The following NOTCH4 variants were observed in gnomAD, a reference collection of about 807,000 sequenced individuals.
NOTCH4 encodes notch receptor 4, also known as neurogenic locus notch homolog protein 4.
Under a neutral mutation model 189.0 loss-of-function variants are expected in NOTCH4, and 138 were observed. The observed-to-expected ratio is 0.73, with a 90% CI of 0.64 to 0.84. NOTCH4 has a LOEUF of 0.84. NOTCH4 is among the 40% of genes least tolerant of loss of function. The pLI is 0.00. For synonymous variants in NOTCH4, 942 were observed against 1,032.8 expected (o/e 0.91, Z 1.69); for missense variants, 2,286 against 2,605.4 (o/e 0.88, Z 2.67).
chr6:32,195,700 A>T lies in NOTCH4; in HGVS notation c.5749T>A (p.Ser1917Thr). Residue 1917 changes from serine (S) to threonine (T), a missense_variant, in exon 30 of 30, where the codon TCT becomes ACT. Coordinates refer to ENST00000375023, the MANE Select transcript of NOTCH4 (RefSeq NM_004557.4). The surrounding 1 kb of genome is among the most constrained non-coding windows in gnomAD (Gnocchi z 5.4). ...GGCCGAGGCCCGCGCATGCCTGCAG[A>T]AAACCTACGGCCGCGAGGGGTCGGG... ...GGPTPRGRRF[S>T]AGMRGPRPNP... is the part of the protein sequence containing the mutation. 1 of 1,612,974 alleles carries T rather than the reference A, an allele frequency of 6.2e-7. No individual in the cohort carries two copies. Among genetic ancestry groups the T allele is most frequent in the Non-Finnish European group, 8.5e-7 (1 of 1,179,986 alleles).
At chr6:32,223,772 TG>T in intron 1 of NOTCH4, 83 bp downstream of exon 1, 1 of 1,379,488 alleles carries the variant, frequency 7.2e-7, no homozygotes, top group Non-Finnish European at 1.0e-6. Flanking sequence ...TCACACGGCC[TG>T]GGGCTTGGCC....
chr6:32,203,699 G>T, intron 20 of NOTCH4, 71 bp downstream of exon 20: 1 of 1,140,230 alleles, frequency 8.8e-7, no homozygotes, highest in Non-Finnish European at 1.3e-6. Context: ...TCCCTTCTGG[G>T]ATTCCAACTG....
intron 28 of NOTCH4, 140 bp downstream of exon 28, chr6:32,196,785 C>T: frequency 4.4e-6 from 5 of 1,143,180 alleles, no homozygotes; most frequent in Non-Finnish European, 5.1e-6. Flanking sequence ...GCGGCCCGTA[C>T]TTCCACCGCA....
At position 32,204,375 on chromosome 6, in the gene NOTCH4, G is replaced by A. The variant is rs760216132; in HGVS notation, c.2880C>T (p.Tyr960=). ...SGYLCQCAPG[Y]DGQNCSKELD... ...GTTCCTTTGAGCAGTTCTGTCCATC[G>A]TAGCCTGGGGCACACTGCAGACAAA... Residue 960 remains tyrosine (Y), a synonymous_variant, in exon 19 of 30, where the codon TAC becomes TAT. Coordinates refer to ENST00000375023, the MANE Select transcript of NOTCH4 (RefSeq NM_004557.4). The A allele has an allele frequency of 6.2e-6, 10 of 1,612,882 alleles. No homozygotes were observed. The highest frequency in any genetic ancestry group is 2.2e-5 in the South Asian group (2 of 91,084).
chr6:32,206,906 G>A (rs192304333), intron 18 of NOTCH4, among the ~76,000 whole-genome samples: 61 of 151,528 alleles, frequency 4.0e-4, no homozygotes, highest in African/African-American at 1.1e-3. Context: ...ACATTTAACA[G>A]CCAACTTACT....
At position 32,222,717 on chromosome 6, in the gene NOTCH4, G is replaced by T; in HGVS notation, c.245C>A (p.Ala82Asp). The T allele has an allele frequency of 6.2e-7, 1 of 1,610,276 alleles. No individual in the cohort carries two copies. Among genetic ancestry groups the T allele is most frequent in the South Asian group, 1.1e-5 (1 of 90,650 alleles). ...GAGCCCTAGGGGAGCGGGAAGCAGG[G>T]CTTGGCAGCTGCCTCCATTTTGGCA... ...QLCQNGGSCQALLPAPLGLPS... is the reference protein window; with the variant it reads ...QLCQNGGSCQDLLPAPLGLPS... Residue 82 changes from alanine (A) to aspartate (D), a missense_variant, in exon 3 of 30, where the codon GCC becomes GAC. Around this residue, in one of 2 missense-constraint regions of NOTCH4, gnomAD observed 1,903 missense variants for 2,261.9 expected, o/e 0.84. Transcript: ENST00000375023.
In NOTCH4 at chr6:32,215,069, G is replaced by A. The variant is rs114671006; in HGVS notation, c.2021+157C>T. On this transcript the variant is annotated intron_variant, in intron 12 of 29. Coordinates refer to ENST00000375023, the MANE Select transcript of NOTCH4 (RefSeq NM_004557.4). ...TCTCCTTGGATAACACTTACCAGTT[G>A]AGCCCTCCCACTGCCTTGCCCTAAG... is the stretch of plus-strand genomic sequence containing the variant. Among the ~76,000 whole-genome samples, 1,425 of 152,242 alleles carry A rather than the reference G, an allele frequency of 9.4e-3. 23 individuals carry two copies. The highest frequency in any genetic ancestry group is 0.033 in the African/African-American group (1,365 of 41,526).
chr6:32,223,118 C>T (rs1432984253), intron 1 of NOTCH4, 32 bp from the exon 2 acceptor site: 2 of 1,560,960 alleles, frequency 1.3e-6, no homozygotes, highest in Non-Finnish European at 1.8e-6. Context: ...CAATGGAAGC[C>T]CTGGGTGCTG....
intron 18 of NOTCH4, among the ~76,000 whole-genome samples, chr6:32,208,771 G>A (rs1788846328): frequency 1.3e-5 from 2 of 152,282 alleles, no homozygotes; most frequent in South Asian, 4.1e-4. Context: ...GCAGATGCTG[G>A]CAAGGATGCA....
At chr6:32,208,064 G>A (rs565864001) in intron 18 of NOTCH4, among the ~76,000 whole-genome samples, 2 of 150,608 alleles carry the variant, frequency 1.3e-5, no homozygotes, top group Non-Finnish European at 1.5e-5. Context: ...CTGGGCAAAA[G>A]TTTTTTGGGT....
chr6:32,204,019 C>T (rs2127469177), intron 19 of NOTCH4, 118 bp downstream of exon 19: 1 of 1,436,024 alleles, frequency 7.0e-7, no homozygotes, highest in Non-Finnish European at 9.5e-7. Context: ...CGGGGGTGGG[C>T]GTGGAGGCAG....
At chr6:32,216,744 G>C (rs1367453774) in intron 11 of NOTCH4, 3 of 662,622 alleles carry the variant, frequency 4.5e-6, no homozygotes, top group Non-Finnish European at 7.9e-6. Context: ...TTTACACTGG[G>C]CCCATGTGGG....
chr6:32,195,098 T>C lies in NOTCH4; in HGVS notation c.*339A>G. 2 of 319,382 alleles carry C rather than the reference T, an allele frequency of 6.3e-6. No homozygotes were observed. Among genetic ancestry groups the C allele is most frequent in the Non-Finnish European group, 1.2e-5 (2 of 172,814 alleles). The allele number at this position is 319,382 out of a possible 1,614,324, so 19.8% of individuals were successfully genotyped here. A position where few individuals can be genotyped will look rare whatever the true frequency, so the allele number is the denominator to read the frequency against. On this transcript the variant is annotated 3_prime_UTR_variant, in exon 30 of 30. Transcript: ENST00000375023. The surrounding 1 kb of genome is among the most constrained non-coding windows in gnomAD (Gnocchi z 5.4). ...GACAATGGATCATAGGGGCACCCTT[T>C]GGAAACCATATATAGGAAAGAACAT...
chr6:32,201,911 G>T lies in NOTCH4; in HGVS notation c.3755+165C>A. ...ATACTGATGCCACCCCATTACCCTAGGTTGGAGTCCAGAGTCTTCGACCCC... is the reference window on the plus strand; with the variant it reads ...ATACTGATGCCACCCCATTACCCTATGTTGGAGTCCAGAGTCTTCGACCCC... On this transcript the variant is annotated intron_variant, in intron 21 of 29. Transcript: ENST00000375023. This position sits in a 1 kb window ranked among gnomAD's most constrained non-coding sequence, Gnocchi z 5.5. The T allele has an allele frequency of 1.8e-6, 1 of 548,878 alleles. No individual in the cohort carries two copies. The highest frequency in any genetic ancestry group is 2.8e-6 in the Non-Finnish European group (1 of 354,602). The allele number at this position is 548,878 out of a possible 1,614,324, so 34.0% of individuals were successfully genotyped here.
In NOTCH4 at chr6:32,212,366, C is replaced by T; in HGVS notation, c.2680+108G>A. On this transcript the variant is annotated intron_variant, in intron 17 of 29. Coordinates refer to ENST00000375023, the MANE Select transcript of NOTCH4 (RefSeq NM_004557.4). The surrounding 1 kb of genome is among the most constrained non-coding windows in gnomAD (Gnocchi z 4.4). ...GATTTGTCTGTGTGGTTTTGATTCT[C>T]AGATGGTTGTTTTGGCCAAAAGCTG... 2.0e-6 allele frequency: 2 copies of T among 1,024,076 alleles called. No individual in the cohort carries two copies. The highest frequency in any genetic ancestry group is 3.1e-5 in the South Asian group (2 of 63,712). The allele number at this position is 1,024,076 out of a possible 1,614,324, so 63.4% of individuals were successfully genotyped here.
chr6:32,213,320 T>C (rs769576759), intron 14 of NOTCH4, 68 bp from the exon 15 acceptor site: 64 of 1,017,364 alleles, frequency 6.3e-5, no homozygotes, highest in African/African-American at 4.3e-4. Context: ...TCAGTCACAC[T>C]GTACATAGGA....
rs2127483264 is a variant in NOTCH4 at position 32,217,231 on chromosome 6, C to T, written c.1660G>A (p.Glu554Lys). 1 of 1,613,030 alleles carries T rather than the reference C, an allele frequency of 6.2e-7. No individual in the cohort carries two copies. Among genetic ancestry groups the T allele is most frequent in the Non-Finnish European group, 8.5e-7 (1 of 1,179,974 alleles). The change falls in exon 10 of 30, where the codon GAG becomes AAG. Residue 554 changes from glutamate to lysine, a missense_variant. This residue lies in a region of NOTCH4 where 1,903 missense variants were observed against 2,261.9 expected (regional missense o/e 0.84). Transcript: ENST00000375023. This position sits in a 1 kb window ranked among gnomAD's most constrained non-coding sequence, Gnocchi z 4.2. ...SGTRCEEDID[E>K]CRSSPCANGG... is the part of the protein sequence containing the mutation. Reference sequence around the variant, plus strand: ...TTGGCACAGGGAGAGCTTCTGCACTCATCGATATCCTCCTCACATCGGGTG... The same window carrying T: ...TTGGCACAGGGAGAGCTTCTGCACTTATCGATATCCTCCTCACATCGGGTG...
At position 32,202,662 on chromosome 6, in the gene NOTCH4, G is replaced by A; in HGVS notation, c.3232-63C>T. On this transcript the variant is annotated intron_variant, in intron 20 of 29. Transcript: ENST00000375023. This position sits in a 1 kb window ranked among gnomAD's most constrained non-coding sequence, Gnocchi z 5.7. ...CATTATTCTTCCCGCTCTCCATCAAGCAAACTCTTGGGTTAAGACGGTGCA... is the reference window on the plus strand; with the variant it reads ...CATTATTCTTCCCGCTCTCCATCAAACAAACTCTTGGGTTAAGACGGTGCA... 6.9e-7 allele frequency: 1 copy of A among 1,453,776 alleles called. No individual in the cohort carries two copies. Among genetic ancestry groups the A allele is most frequent in the Non-Finnish European group, 9.2e-7 (1 of 1,089,588 alleles). 90.1% of individuals were successfully genotyped at this position (1,453,776 alleles called of 1,614,324 possible). A position where few individuals can be genotyped will look rare whatever the true frequency, so the allele number is the denominator to read the frequency against.
chr6:32,223,328 G>A (rs1026503993), intron 1 of NOTCH4, among the ~76,000 whole-genome samples: 3 of 152,012 alleles, frequency 2.0e-5, no homozygotes, highest in African/African-American at 7.3e-5. Context: ...TCCAGCCTCG[G>A]ACTCCATCTC....
Sources: allele counts gnomAD v4.1 joint callset (sites outside exome capture counted in the v4.1 genomes callset), GRCh38; gene constraint gnomAD v4.1.1; regional missense constraint gnomAD v4.1.1; non-coding constraint Gnocchi (gnomAD v3.1); transcripts MANE v1.5; gene names NCBI Gene and HGNC (gene_info 2026-07-23, HGNC 2026-07-21).